PRPSAP1: variants seen among roughly 807,000 people sequenced by gnomAD.
PRPSAP1 encodes phosphoribosyl pyrophosphate synthase-associated protein 1.
A neutral mutation model predicts 39.4 loss-of-function variants in PRPSAP1; 31 were observed. The ratio of observed to expected loss-of-function variants is 0.79; its 90% CI spans 0.59 to 1.06. The LOEUF (loss-of-function observed/expected upper bound fraction) is 1.06. Among genes scored for constraint, PRPSAP1 ranks in the 50% least tolerant of loss-of-function variants. The pLI, the probability that PRPSAP1 is intolerant of heterozygous loss-of-function variation, is 0.00. For missense variants in PRPSAP1, 430 were observed against 511.6 expected (o/e 0.84, Z 1.54); for synonymous variants, 212 against 192.6 (o/e 1.10, Z -0.83).
intron 3 of PRPSAP1, among the ~76,000 whole-genome samples, chr17:76,335,373 G>A (rs1160682998): frequency 6.6e-6 from 1 of 151,890 alleles, no homozygotes; most frequent in Non-Finnish European, 1.5e-5. Context: ...TTTTGTTTTG[G>A]AGATGGAAAT....
intron 1 of PRPSAP1, among the ~76,000 whole-genome samples, chr17:76,349,451 G>A (rs1302348679): frequency 1.3e-5 from 2 of 151,988 alleles, no homozygotes; most frequent in African/African-American, 4.8e-5. Flanking sequence ...ATGATATGAT[G>A]TAAGATAATC....
Position 76,353,600 on chromosome 17 carries a change from G to GT in PRPSAP1, c.103dup (p.Thr35AsnfsTer28). On this transcript the variant is annotated frameshift_variant, in exon 1 of 10. Coordinates refer to ENST00000446526, the MANE Select transcript of PRPSAP1 (RefSeq NM_002766.3). LOFTEE classifies it high-confidence loss of function. ...GTTGGCCGAGAAGACTCGGTAGCCG[G>GT]TGCGAGCGGCGTTCATGGCCGGCGG... The GT allele has an allele frequency of 1.9e-6, 3 of 1,560,236 alleles. No homozygotes were observed. Among genetic ancestry groups the GT allele is most frequent in the Non-Finnish European group, 2.6e-6 (3 of 1,158,220 alleles).
chr17:76,339,798 AG>A (rs1285642519), intron 3 of PRPSAP1, among the ~76,000 whole-genome samples: 8 of 151,786 alleles, frequency 5.3e-5, no homozygotes, highest in African/African-American at 1.9e-4. Context: ...AACTCTATGA[AG>A]TGCTTCCTAC....
rs1260014036 is a variant in PRPSAP1, at chr17:76,330,686, A to T, written c.464-20T>A. On this transcript the variant is annotated intron_variant, in intron 4 of 9. Transcript: ENST00000446526. ...TTAAACCTGAAATTTTAAAACAAAA[A>T]ATTACAAAGTTCACCCCTACAGGTA... 1.3e-6 allele frequency: 2 copies of T among 1,540,846 alleles called. No homozygotes were observed. The highest frequency in any genetic ancestry group is 3.5e-5 in the Admixed American group (2 of 57,812).
chr17:76,328,244 C>G (rs1240678586), intron 7 of PRPSAP1, among the ~76,000 whole-genome samples: 1 of 149,702 alleles, frequency 6.7e-6, no homozygotes, highest in African/African-American at 2.5e-5. Flanking sequence ...TAAAAAACAA[C>G]AAGACAGCAT....
intron 7 of PRPSAP1, among the ~76,000 whole-genome samples, chr17:76,326,087 G>T (rs558373669): frequency 1.3e-5 from 2 of 152,240 alleles, no homozygotes; most frequent in African/African-American, 4.8e-5. Context: ...CAATGGTGCA[G>T]AACTGAACCT....
In PRPSAP1 at chr17:76,311,619, G is replaced by T; in HGVS notation, c.1081C>A (p.Leu361Ile). Residue 361 changes from leucine to isoleucine, a missense_variant, in exon 10 of 10, where the codon CTT becomes ATT. This residue lies in a region of PRPSAP1 where 278 missense variants were observed against 376.3 expected (regional missense o/e 0.74). Transcript: ENST00000446526. ...TGGATTCTCCGAATGGCTTCAGAAA[G>T]AATCAAACTGATATCCACAGTCTTT... ...KIKTVDISLILSEAIRRIHNG... is the reference protein window; with the variant it reads ...KIKTVDISLIISEAIRRIHNG... The T allele has an allele frequency of 6.2e-7, 1 of 1,614,176 alleles. No individual in the cohort carries two copies. Among genetic ancestry groups the T allele is most frequent in the Non-Finnish European group, 8.5e-7 (1 of 1,180,020 alleles).
rs71161289 is a variant in PRPSAP1, at chr17:76,347,484, C to CAAAAAAAA, written c.223+1037_223+1044dup. ...CCTGGGTGACAGAGCAAGACTCCGT[C>CAAAAAAAA]AAAAAAAAAAAAAAAAAAAAAAAAA... is the stretch of plus-strand genomic sequence containing the variant. On this transcript the variant is annotated intron_variant, in intron 2 of 9. Transcript: ENST00000446526. Among the ~76,000 whole-genome samples, 58 of 25,220 alleles carry CAAAAAAAA rather than the reference C, an allele frequency of 2.3e-3. 1 individual carries two copies. Among genetic ancestry groups the CAAAAAAAA allele is most frequent in the East Asian group, 4.0e-3 (2 of 504 alleles). The allele number at this position is 25,220 out of a possible 152,430, so 16.5% of individuals were successfully genotyped here.
chr17:76,331,602 G>GT (rs2071322886), intron 4 of PRPSAP1, among the ~76,000 whole-genome samples: 1 of 152,190 alleles, frequency 6.6e-6, no homozygotes. Flanking sequence ...GAAGACTTGA[G>GT]TATCTTTGGG....
intron 3 of PRPSAP1, among the ~76,000 whole-genome samples, chr17:76,336,971 C>T (rs987720483): frequency 1.3e-5 from 2 of 152,136 alleles, no homozygotes; most frequent in African/African-American, 4.8e-5. Context: ...GAAGGGAAAT[C>T]GGCTGGCAGT....
At chr17:76,328,008 C>A (rs2071271361) in intron 7 of PRPSAP1, among the ~76,000 whole-genome samples, 1 of 151,544 alleles carries the variant, frequency 6.6e-6, no homozygotes, top group Admixed American at 6.6e-5. Flanking sequence ...ATGCAGGGAG[C>A]CCCGTCTCCA....
At position 76,330,681 on chromosome 17, in the gene PRPSAP1, C is replaced by T; in HGVS notation, c.464-15G>A. The T allele has an allele frequency of 6.5e-7, 1 of 1,543,318 alleles. No individual in the cohort carries two copies. The highest frequency in any genetic ancestry group is 8.9e-7 in the Non-Finnish European group (1 of 1,122,898). On this transcript the variant is annotated splice_polypyrimidine_tract_variant and intron_variant, in intron 4 of 9. Coordinates refer to ENST00000446526, the MANE Select transcript of PRPSAP1 (RefSeq NM_002766.3). ...GTGAGTTAAACCTGAAATTTTAAAA[C>T]AAAAAATTACAAAGTTCACCCCTAC...
At chr17:76,322,464 T>C (rs771919343) in intron 7 of PRPSAP1, among the ~76,000 whole-genome samples, 1 of 152,198 alleles carries the variant, frequency 6.6e-6, no homozygotes, top group Non-Finnish European at 1.5e-5. Context: ...AGATTAGTGA[T>C]GTTTTCATGC....
intron 1 of PRPSAP1, among the ~76,000 whole-genome samples, chr17:76,351,613 G>C (rs576923972): frequency 6.6e-6 from 1 of 152,274 alleles, no homozygotes; most frequent in South Asian, 2.1e-4. Context: ...CTTGAACTTG[G>C]GACGTGGAGG....
intron 7 of PRPSAP1, 58 bp from the exon 8 acceptor site, chr17:76,313,949 T>G (rs535823527): frequency 6.3e-7 from 1 of 1,575,344 alleles, no homozygotes; most frequent in East Asian, 2.3e-5. Flanking sequence ...TAGAGAAATG[T>G]AATCACAACC....
At chr17:76,319,301 A>G (rs1022492534) in intron 7 of PRPSAP1, 1 of 151,826 alleles carries the variant, frequency 6.6e-6, no homozygotes, top group Non-Finnish European at 1.5e-5. Flanking sequence ...AATCAAGGTA[A>G]CTCACAGGTA....
chr17:76,349,036 C>T (rs1399198281), intron 1 of PRPSAP1, among the ~76,000 whole-genome samples: 1 of 152,040 alleles, frequency 6.6e-6, no homozygotes, highest in African/African-American at 2.4e-5. Flanking sequence ...TTTGGCCAGG[C>T]GTGGTGGCTG....
chr17:76,344,612 TA>T (rs1190330887), intron 3 of PRPSAP1, 58 bp downstream of exon 3: 1 of 1,305,224 alleles, frequency 7.7e-7, no homozygotes, highest in Non-Finnish European at 1.1e-6. Context: ...TATGAAAAGA[TA>T]ATCAATTATA....
At chr17:76,346,478 G>C (rs941667898) in intron 2 of PRPSAP1, among the ~76,000 whole-genome samples, 1 of 152,122 alleles carries the variant, frequency 6.6e-6, no homozygotes, top group African/African-American at 2.4e-5. Context: ...ATCCCTTAAA[G>C]CCAGACATCT....
Sources: gnomAD v4.1 joint callset for allele counts (sites outside exome capture counted in the v4.1 genomes callset) on GRCh38, gnomAD v4.1.1 for gene constraint, gnomAD v4.1.1 regional missense constraint, MANE v1.5 for transcripts, NCBI Gene and HGNC (gene_info 2026-07-23, HGNC 2026-07-21) for gene names.